ATP11B: variants seen among roughly 807,000 people sequenced by gnomAD.
ATP11B encodes ATPase phospholipid transporting 11B (putative), also known as phospholipid-transporting ATPase IF.
ATP11B carries 81 observed loss-of-function variants against 157.8 expected under a neutral mutation model. The observed-to-expected ratio is 0.51, with a 90% CI of 0.43 to 0.62. The LOEUF (loss-of-function observed/expected upper bound fraction) is 0.62, where lower values mean the gene tolerates loss of function less well. ATP11B is among the 20% of genes least tolerant of loss of function. ATP11B has a pLI of 0.00. For synonymous variants in ATP11B, 451 were observed against 469.4 expected (o/e 0.96, Z 0.51); for missense variants, 1,165 against 1,402.2 (o/e 0.83, Z 2.70).
intron 28 of ATP11B, among the ~76,000 whole-genome samples, chr3:182,904,245 T>G (rs1401282897): frequency 6.6e-6 from 1 of 152,210 alleles, no homozygotes; most frequent in Non-Finnish European, 1.5e-5. Context: ...ATGATCATTT[T>G]ACATATTGTG....
chr3:182,850,878 C>CT (rs1387593363), intron 10 of ATP11B, among the ~76,000 whole-genome samples: 1 of 151,686 alleles, frequency 6.6e-6, no homozygotes, highest in Non-Finnish European at 1.5e-5. Flanking sequence ...GTATACATAC[C>CT]TAAAAAAAAA....
intron 28 of ATP11B, among the ~76,000 whole-genome samples, chr3:182,911,668 C>T (rs1724805730): frequency 6.6e-6 from 1 of 151,932 alleles, no homozygotes; most frequent in Non-Finnish European, 1.5e-5. Context: ...GGTATGTCTT[C>T]CTGACTTGTC....
Position 182,836,425 on chromosome 3 carries a change from C to T in ATP11B, c.507C>T (p.Ser169=), listed in dbSNP as rs1270605399. Residue 169 remains serine, a synonymous_variant, in exon 6 of 30, where the codon TCC becomes TCT. Coordinates refer to ENST00000323116, the MANE Select transcript of ATP11B (RefSeq NM_014616.3). ...VLLSSDRLDG[S]CHVTTASLDG... The stretch of plus-strand genomic sequence containing the variant: ...TGTCCTCAGATCGACTGGATGGTTC[C>T]TGTCACGTTACAACTGCTAGTTTGG... 1 of 1,613,940 alleles carries T rather than the reference C, an allele frequency of 6.2e-7. No individual in the cohort carries two copies. Among genetic ancestry groups the T allele is most frequent in the Admixed American group, 1.7e-5 (1 of 60,000 alleles).
At chr3:182,908,520 C>T (rs191080055) in intron 28 of ATP11B, 1 of 152,172 alleles carries the variant, frequency 6.6e-6, no homozygotes, top group South Asian at 2.1e-4. Context: ...GTAATACATA[C>T]AGAAATCTCC....
chr3:182,896,096 C>T (rs1185195991), intron 25 of ATP11B, among the ~76,000 whole-genome samples: 1 of 152,144 alleles, frequency 6.6e-6, no homozygotes. Flanking sequence ...AATCCTGAAA[C>T]TCTTTTGGGG....
chr3:182,897,618 A>AT (rs777210548), intron 27 of ATP11B, among the ~76,000 whole-genome samples: 9 of 151,998 alleles, frequency 5.9e-5, no homozygotes, highest in Non-Finnish European at 1.2e-4. Context: ...TAAGATATTG[A>AT]TTCATCATAA....
chr3:182,854,275 G>T (rs1292840839), intron 10 of ATP11B, among the ~76,000 whole-genome samples: 2 of 152,088 alleles, frequency 1.3e-5, no homozygotes, highest in Non-Finnish European at 1.5e-5. Context: ...TCCGAGACCA[G>T]CCTGACCAAC....
rs189521093 is a variant in ATP11B at position 182,886,734 on chromosome 3, A to G, written c.2715+724A>G. Among the ~76,000 whole-genome samples the G allele has an allele frequency of 2.0e-3, 306 of 152,274 alleles. 2 individuals are homozygous for G. Among genetic ancestry groups the G allele is most frequent in the African/African-American group, 7.0e-3 (292 of 41,562 alleles). On this transcript the variant is annotated intron_variant, in intron 23 of 29. Transcript: ENST00000323116. ...GGCAGGCACCCTTTTTACATACCATACTATACATCTCAAATTGATCAAGAC... is the reference window on the plus strand; with the variant it reads ...GGCAGGCACCCTTTTTACATACCATGCTATACATCTCAAATTGATCAAGAC...
chr3:182,799,804 T>C (rs1016479663), intron 1 of ATP11B, among the ~76,000 whole-genome samples: 2 of 152,178 alleles, frequency 1.3e-5, no homozygotes, highest in African/African-American at 4.8e-5. Context: ...TTCTCTGTTA[T>C]AAAATTTAGT....
At position 182,842,017 on chromosome 3, in the gene ATP11B, A is replaced by G. The variant is rs1023102610; in HGVS notation, c.657-58A>G. The G allele has an allele frequency of 4.3e-5, 52 of 1,219,850 alleles. No individual in the cohort carries two copies. The Admixed American group carries it at 7.1e-4, about 17-fold the overall frequency. 75.6% of individuals were successfully genotyped at this position (1,219,850 alleles called of 1,614,324 possible). A position where few individuals can be genotyped will look rare whatever the true frequency, so the allele number is the denominator to read the frequency against. ...AAAAAACAAAGGATGGTGCAAAAAA[A>G]CAGCCATTGATGTCATAAGTGATAT... On this transcript the variant is annotated intron_variant, in intron 7 of 29. Transcript: ENST00000323116.
intron 1 of ATP11B, among the ~76,000 whole-genome samples, chr3:182,818,650 A>G (rs1289388585): frequency 2.6e-5 from 4 of 152,252 alleles, no homozygotes; most frequent in South Asian, 4.1e-4. Flanking sequence ...AATACCGTAC[A>G]TAACACTTAA....
intron 1 of ATP11B, among the ~76,000 whole-genome samples, chr3:182,806,899 G>T (rs1037662119): frequency 6.6e-6 from 1 of 151,990 alleles, no homozygotes; most frequent in East Asian, 1.9e-4. Context: ...GTGCAGAGGG[G>T]GTACTGCTGA....
intron 6 of ATP11B, 78 bp from the exon 7 acceptor site, chr3:182,836,993 A>G (rs1718601821): frequency 3.0e-6 from 3 of 997,636 alleles, no homozygotes; most frequent in Non-Finnish European, 3.1e-6. Flanking sequence ...CTTTACCTAT[A>G]AAAGAGATTT....
chr3:182,859,434 T>C, intron 12 of ATP11B, 75 bp downstream of exon 12: 1 of 1,318,912 alleles, frequency 7.6e-7, no homozygotes, highest in Non-Finnish European at 1.0e-6. Flanking sequence ...AAGATTAATG[T>C]AACAAGGTAT....
chr3:182,798,320 A>G (rs1244165053), intron 1 of ATP11B, among the ~76,000 whole-genome samples: 1 of 152,216 alleles, frequency 6.6e-6, no homozygotes, highest in African/African-American at 2.4e-5. Context: ...TGAATAAATG[A>G]ATGAGTATCA....
intron 2 of ATP11B, among the ~76,000 whole-genome samples, chr3:182,824,781 A>T (rs1717605602): frequency 6.6e-6 from 1 of 152,228 alleles, no homozygotes; most frequent in Non-Finnish European, 1.5e-5. Context: ...TATTGCTTTC[A>T]TAAACTCCTT....
intron 10 of ATP11B, 72 bp from the exon 11 acceptor site, chr3:182,857,806 T>G: frequency 1.1e-6 from 1 of 925,592 alleles, no homozygotes; most frequent in Non-Finnish European, 1.7e-6. Context: ...CTAATACAAG[T>G]ACTAATTTTC....
In ATP11B at chr3:182,892,679, C is replaced by G. The variant is rs549799223; in HGVS notation, c.2982+3131C>G. 9.5e-4 allele frequency among the ~76,000 whole-genome samples: 144 copies of G among 152,236 alleles called. 2 individuals carry two copies. Among genetic ancestry groups the G allele is most frequent in the African/African-American group, 3.2e-3 (132 of 41,556 alleles). ...CAGTTTAGCTTAGGAAAGAACTAGT[C>G]ATTCTTCATGTATTTATCTCAAATC... On this transcript the variant is annotated intron_variant, in intron 25 of 29. Coordinates refer to ENST00000323116, the MANE Select transcript of ATP11B (RefSeq NM_014616.3).
At chr3:182,879,683 G>A in intron 20 of ATP11B, 34 bp downstream of exon 20, 1 of 1,559,930 alleles carries the variant, frequency 6.4e-7, no homozygotes, top group Non-Finnish European at 8.7e-7. Context: ...GTCCCATAAA[G>A]CTATTTAGAT....
Sources: gnomAD v4.1 joint callset for allele counts (sites outside exome capture counted in the v4.1 genomes callset) on GRCh38, gnomAD v4.1.1 for gene constraint, MANE v1.5 for transcripts, NCBI Gene and HGNC (gene_info 2026-07-23, HGNC 2026-07-21) for gene names.